Variants in CCDC91 observed in about 807,000 individuals in gnomAD.
CCDC91 encodes the protein coiled-coil domain containing 91.
Under a neutral mutation model 63.2 loss-of-function variants are expected in CCDC91, and 48 were observed. That is an observed-to-expected ratio of 0.76 (90% CI 0.60 to 0.97). The LOEUF (loss-of-function observed/expected upper bound fraction) is 0.97, where lower values mean the gene tolerates loss of function less well. CCDC91 is among the 50% of genes least tolerant of loss of function. CCDC91 has a pLI of 0.00. For synonymous variants in CCDC91, 167 were observed against 165.8 expected, an observed-to-expected ratio of 1.01 and a Z score of -0.06; for missense variants, 500 against 494.6, an observed-to-expected ratio of 1.01 and a Z score of -0.10.
At chr12:28,434,402 A>G (rs1948787752) in intron 8 of CCDC91, among the ~76,000 whole-genome samples, 1 of 151,114 alleles carries the variant, frequency 6.6e-6, no homozygotes, top group Non-Finnish European at 1.5e-5. Flanking sequence ...TGTCCATGTG[A>G]TTGATTACAT....
chr12:28,272,681 G>A (rs1279197634), intron 3 of CCDC91, among the ~76,000 whole-genome samples: 2 of 151,848 alleles, frequency 1.3e-5, no homozygotes, highest in Admixed American at 6.6e-5. Context: ...CATGTGAAAA[G>A]GAAGCATATG....
intron 6 of CCDC91, among the ~76,000 whole-genome samples, chr12:28,331,937 T>C (rs1294768316): frequency 6.6e-6 from 1 of 152,162 alleles, no homozygotes; most frequent in East Asian, 1.9e-4. Flanking sequence ...TGTGATACAT[T>C]TTTAAGGGTG....
chr12:28,221,101 T>A (rs1943908803), intron 1 of CCDC91, among the ~76,000 whole-genome samples: 1 of 152,080 alleles, frequency 6.6e-6, no homozygotes, highest in Admixed American at 6.6e-5. Context: ...TTCTCAGTAT[T>A]TTTTCCTCTC....
chr12:28,353,761 T>C (rs968961076), intron 6 of CCDC91, among the ~76,000 whole-genome samples: 2 of 152,116 alleles, frequency 1.3e-5, no homozygotes, highest in Admixed American at 6.5e-5. Context: ...CTGTAATAGA[T>C]GAACTAATAA....
chr12:28,505,692 C>T (rs1248218875), intron 12 of CCDC91, among the ~76,000 whole-genome samples: 1 of 151,940 alleles, frequency 6.6e-6, no homozygotes, highest in Admixed American at 6.6e-5. Flanking sequence ...AGAGCAACCA[C>T]ATCCAAGACA....
intron 1 of CCDC91, among the ~76,000 whole-genome samples, chr12:28,247,306 C>T (rs1368259528): frequency 6.6e-6 from 1 of 151,914 alleles, no homozygotes; most frequent in Non-Finnish European, 1.5e-5. Flanking sequence ...TGGTGAAACC[C>T]CGCCTCTACT....
chr12:28,528,413 G>A (rs1941459683), intron 12 of CCDC91, among the ~76,000 whole-genome samples: 1 of 152,134 alleles, frequency 6.6e-6, no homozygotes, highest in African/African-American at 2.4e-5. Flanking sequence ...CCAGTGTGGG[G>A]GTGTATTCTG....
chr12:28,402,065 C>T (rs1946655622), intron 8 of CCDC91, among the ~76,000 whole-genome samples: 2 of 152,012 alleles, frequency 1.3e-5, no homozygotes, highest in Non-Finnish European at 2.9e-5. Flanking sequence ...TTCCATTGAT[C>T]TAGTATTTCT....
intron 3 of CCDC91, among the ~76,000 whole-genome samples, chr12:28,290,187 G>T (rs978573792): frequency 6.6e-6 from 1 of 152,092 alleles, no homozygotes; most frequent in Non-Finnish European, 1.5e-5. Context: ...GAATCTGGGT[G>T]CTCCTGTGTT....
chr12:28,440,634 A>C (rs547470238), intron 8 of CCDC91, among the ~76,000 whole-genome samples: 1 of 152,350 alleles, frequency 6.6e-6, no homozygotes, highest in African/African-American at 2.4e-5. Context: ...TCATTAAGAA[A>C]GTGAAAAGGC....
intron 1 of CCDC91, among the ~76,000 whole-genome samples, chr12:28,207,293 T>C (rs1000618136): frequency 1.3e-5 from 2 of 152,172 alleles, no homozygotes; most frequent in African/African-American, 4.8e-5. Context: ...AGGATTTCAA[T>C]GGGTGTACAG....
intron 1 of CCDC91, among the ~76,000 whole-genome samples, chr12:28,200,935 G>A (rs1191136268): frequency 4.7e-5 from 7 of 149,022 alleles, no homozygotes; most frequent in East Asian, 2.0e-4. Context: ...CGGACGGGGC[G>A]GCTGGCCGGG....
chr12:28,514,243 G>A (rs1049216041), intron 12 of CCDC91, among the ~76,000 whole-genome samples: 1 of 151,822 alleles, frequency 6.6e-6, no homozygotes, highest in African/African-American at 2.4e-5. Flanking sequence ...TACGTCTGTT[G>A]GCCACATGTA....
intron 6 of CCDC91, among the ~76,000 whole-genome samples, chr12:28,343,684 C>T (rs1391250869): frequency 4.6e-5 from 7 of 152,156 alleles, no homozygotes; most frequent in African/African-American, 1.7e-4. Context: ...TATAATTATA[C>T]AACTAAATTT....
chr12:28,413,605 G>A (rs1947456910), intron 8 of CCDC91, among the ~76,000 whole-genome samples: 1 of 152,014 alleles, frequency 6.6e-6, no homozygotes, highest in Admixed American at 6.6e-5. Flanking sequence ...TCCTGCTGAG[G>A]CGTGACAGTG....
At chr12:28,500,342 G>T (rs1325923162) in intron 12 of CCDC91, among the ~76,000 whole-genome samples, 15 of 152,104 alleles carry the variant, frequency 9.9e-5, no homozygotes, top group Middle Eastern at 3.4e-3. Flanking sequence ...AAGCTCTTTA[G>T]TTTAATTAGA....
chr12:28,505,093 G>T (rs549430784), intron 12 of CCDC91, among the ~76,000 whole-genome samples: 23 of 151,976 alleles, frequency 1.5e-4, no homozygotes, highest in African/African-American at 5.5e-4. Context: ...AAAATATTTG[G>T]CAGAATTATT....
chr12:28,225,038 A>G (rs1178915540), intron 1 of CCDC91, among the ~76,000 whole-genome samples: 1 of 152,208 alleles, frequency 6.6e-6, no homozygotes, highest in Non-Finnish European at 1.5e-5. Flanking sequence ...TAGTTGAAGA[A>G]TTAGGACTAG....
At chr12:28,343,967 G>C (rs1328747029) in intron 6 of CCDC91, among the ~76,000 whole-genome samples, 1 of 151,986 alleles carries the variant, frequency 6.6e-6, no homozygotes, top group Non-Finnish European at 1.5e-5. Context: ...AGGAGAGAGA[G>C]AAAAATAGCA....
Sources: allele counts gnomAD v4.1 joint callset (sites outside exome capture counted in the v4.1 genomes callset), GRCh38; gene constraint gnomAD v4.1.1; transcripts MANE v1.5; gene names NCBI Gene and HGNC (gene_info 2026-07-23, HGNC 2026-07-21).